ZNF705G: variants seen among roughly 807,000 people sequenced by gnomAD.
The protein encoded by ZNF705G is putative zinc finger protein 705G.
Under a neutral mutation model 19.6 loss-of-function variants are expected in ZNF705G, and 23 were observed. The observed-to-expected ratio is 1.17, with a 90% CI of 0.84 to 1.66. ZNF705G has a LOEUF of 1.66. Among genes scored for constraint, ZNF705G ranks in the 40% most tolerant of loss-of-function variants. ZNF705G has a pLI of 0.00. For missense variants in ZNF705G, 457 were observed against 354.4 expected, an observed-to-expected ratio of 1.29 and a Z score of -2.32; for synonymous variants, 146 against 117.7, an observed-to-expected ratio of 1.24 and a Z score of -1.56.
intron 1 of ZNF705G, among the ~76,000 whole-genome samples, chr8:7,383,961 A>C (rs1807619422): frequency 7.1e-6 from 1 of 141,376 alleles, no homozygotes; most frequent in Non-Finnish European, 1.5e-5. Context: ...AAACTCAGGG[A>C]TGCATACCTT....
At position 7,359,617 on chromosome 8, in the gene ZNF705G, A is replaced by T; in HGVS notation, c.318+2T>A. On this transcript the variant is annotated splice_donor_variant, in intron 6 of 6. Transcript: ENST00000400156. LOFTEE classifies it high-confidence loss of function. ...ACTGGTGTACACAGCTATAAAACTTACCATTGTCATACTGGTGGATGCGTC... is the reference window on the plus strand; with the variant it reads ...ACTGGTGTACACAGCTATAAAACTTTCCATTGTCATACTGGTGGATGCGTC... The T allele has an allele frequency of 6.2e-7, 1 of 1,606,470 alleles. No homozygotes were observed. Among genetic ancestry groups the T allele is most frequent in the Non-Finnish European group, 8.5e-7 (1 of 1,179,202 alleles).
chr8:7,357,920 G>T lies in ZNF705G; in HGVS notation c.*56C>A, dbSNP rs146970310. The T allele has an allele frequency of 2.4e-3, 3,855 of 1,602,488 alleles. 30 individuals carry two copies. Among genetic ancestry groups the T allele is most frequent in the Non-Finnish European group, 2.3e-3 (2,734 of 1,177,394 alleles). ...TTTAAGATTAGTACATTGTCTGAAG[G>T]CTTTCCCACATAAATGGCATTCATA... On this transcript the variant is annotated 3_prime_UTR_variant, in exon 7 of 7. Coordinates refer to ENST00000400156, the MANE Select transcript of ZNF705G (RefSeq NM_001164457.3).
chr8:7,361,835 G>A (rs1473482187), intron 3 of ZNF705G, among the ~76,000 whole-genome samples: 2 of 149,628 alleles, frequency 1.3e-5, no homozygotes, highest in Non-Finnish European at 2.9e-5. Flanking sequence ...CCAGACTCCA[G>A]CATTCTTCAG....
rs193060127 is a variant in ZNF705G at position 7,359,639 on chromosome 8, C to T, written c.298G>A (p.Ala100Thr). 5.3e-4 allele frequency: 859 copies of T among 1,606,568 alleles called. 84 individuals carry two copies. The African/African-American group carries it at 9.8e-3, about 18-fold the overall frequency. ...CTTACCATTGTCATACTGGTGGATG[C>T]GTCTTTTCTGGTGATAGGATGCATG... ...ISMHPITRKDASTSMTMENSL... is the reference protein window; with the variant it reads ...ISMHPITRKDTSTSMTMENSL... Residue 100 changes from alanine to threonine, a missense_variant, in exon 6 of 7, where the codon GCA becomes ACA. Physicochemically the swap from Ala to Thr is moderately conservative, Grantham distance 58. Transcript: ENST00000400156.
chr8:7,358,069 G>A lies in ZNF705G; in HGVS notation c.810C>T (p.Gly270=), dbSNP rs1195676049. 8 of 1,608,184 alleles carry A rather than the reference G, an allele frequency of 5.0e-6. No homozygotes were observed. Among genetic ancestry groups the A allele is most frequent in the Admixed American group, 3.3e-5 (2 of 59,928 alleles). ...KSGKAFSQSS[G]FRGNKIIHTG... is the part of the protein sequence containing the mutation. ...TGTGAATTATTTTGTTTCCTCTAAA[G>A]CCAGAGCTTTGACTAAAGGCTTTCC... Residue 270 remains glycine, a synonymous_variant, in exon 7 of 7, where the codon GGC becomes GGT. Coordinates refer to ENST00000400156, the MANE Select transcript of ZNF705G (RefSeq NM_001164457.3).
chr8:7,361,078 C>G (rs1806564947), intron 4 of ZNF705G, 32 bp downstream of exon 4: 1 of 1,592,644 alleles, frequency 6.3e-7, no homozygotes, highest in Non-Finnish European at 8.5e-7. Context: ...GAATGTGTCT[C>G]TACATATGTA....
chr8:7,361,089 C>T lies in ZNF705G; in HGVS notation c.139+21G>A, dbSNP rs776617517. On this transcript the variant is annotated intron_variant, in intron 4 of 6. Coordinates refer to ENST00000400156, the MANE Select transcript of ZNF705G (RefSeq NM_001164457.3). ...GAGTGAATGTGTCTCTACATATGTA[C>T]ATGAATGTTCAGGGACTCACCGAGG... 8 of 1,592,772 alleles carry T rather than the reference C, an allele frequency of 5.0e-6. No individual in the cohort carries two copies. In the African/African-American group the frequency reaches 7.0e-5, roughly 14 times the overall value.
Position 7,365,473 on chromosome 8 carries a change from G to T in ZNF705G, c.-71-2456C>A, listed in dbSNP as rs1806814555. ...GGCTCACCGCAACCTCCACCTCCCG[G>T]GTTCAAGCAATTCTCCAGCCTCAGC... On this transcript the variant is annotated intron_variant, in intron 2 of 6. Transcript: ENST00000400156. Among the ~76,000 whole-genome samples, 4 of 147,818 alleles carry T rather than the reference G, an allele frequency of 2.7e-5. No individual in the cohort carries two copies. The South Asian group carries it at 8.5e-4, about 31-fold the overall frequency.
intron 1 of ZNF705G, 75 bp downstream of exon 1, chr8:7,385,423 T>A (rs1257779442): frequency 2.0e-5 from 3 of 149,044 alleles, no homozygotes; most frequent in Non-Finnish European, 4.4e-5. Flanking sequence ...TCTCCTACAC[T>A]TACACCCTGA....
Position 7,357,679 on chromosome 8 carries a change from G to C in ZNF705G, c.*297C>G. On this transcript the variant is annotated 3_prime_UTR_variant, in exon 7 of 7. Coordinates refer to ENST00000400156, the MANE Select transcript of ZNF705G (RefSeq NM_001164457.3). ...TTCTCTTCCATATGAATTTATTGAT[G>C]TGGACTGAAGAATAAAGGTAACTGA... The C allele has an allele frequency of 1.9e-6, 1 of 522,652 alleles. No individual in the cohort carries two copies. The highest frequency in any genetic ancestry group is 2.4e-5 in the South Asian group (1 of 41,426). 32.4% of individuals were successfully genotyped at this position (522,652 alleles called of 1,614,324 possible). A position where few individuals can be genotyped will look rare whatever the true frequency, so the allele number is the denominator to read the frequency against.
Position 7,364,128 on chromosome 8 carries a change from T to C in ZNF705G, c.-71-1111A>G, listed in dbSNP as rs964965812. On this transcript the variant is annotated intron_variant, in intron 2 of 6. Transcript: ENST00000400156. ...TCTTTGTTAGTTGCAATATCTCTGA[T>C]TATCATGATACATATTTGCTGAGAA... is the stretch of plus-strand genomic sequence containing the variant. Among the ~76,000 whole-genome samples, 7 of 149,584 alleles carry C rather than the reference T, an allele frequency of 4.7e-5. 2 individuals are homozygous for C. Among genetic ancestry groups the C allele is most frequent in the African/African-American group, 1.8e-4 (7 of 38,982 alleles).
chr8:7,381,086 C>G (rs1447229370), intron 2 of ZNF705G, among the ~76,000 whole-genome samples: 4 of 111,684 alleles, frequency 3.6e-5, no homozygotes, highest in Admixed American at 1.6e-4. Context: ...GTCTGGTAAA[C>G]AGAAAGTGGT....
rs553192687 is a variant in ZNF705G, at chr8:7,355,943, A to G, written c.*2033T>C. Reference sequence around the variant, plus strand: ...AAATCAATCACTTGTAGAGATTTTAAAATATAATGATGTGTCAACTTCAAC... The same window carrying G: ...AAATCAATCACTTGTAGAGATTTTAGAATATAATGATGTGTCAACTTCAAC... On this transcript the variant is annotated 3_prime_UTR_variant, in exon 7 of 7. Transcript: ENST00000400156. 6.7e-6 allele frequency: 1 copy of G among 149,830 alleles called. No homozygotes were observed. Among genetic ancestry groups the G allele is most frequent in the Non-Finnish European group, 1.5e-5 (1 of 68,032 alleles). The allele number at this position is 149,830 out of a possible 1,614,324, so 9.3% of individuals were successfully genotyped here.
chr8:7,367,283 G>A (rs1476905615), intron 2 of ZNF705G, among the ~76,000 whole-genome samples: 2 of 149,280 alleles, frequency 1.3e-5, no homozygotes, highest in East Asian at 3.9e-4. Flanking sequence ...TCAGGTGATG[G>A]CCTGTCAATT....
At position 7,357,276 on chromosome 8, in the gene ZNF705G, T is replaced by A. The variant is rs1806316091; in HGVS notation, c.*700A>T. ...AGAAGTATTTGGTATTCCAAGAGAA[T>A]TCATTGCCCTTGGAAAGATTTTCCC... On this transcript the variant is annotated 3_prime_UTR_variant, in exon 7 of 7. Coordinates refer to ENST00000400156, the MANE Select transcript of ZNF705G (RefSeq NM_001164457.3). 1.3e-5 allele frequency: 2 copies of A among 151,824 alleles called. No homozygotes were observed. The highest frequency in any genetic ancestry group is 4.1e-4 in the South Asian group (2 of 4,858). The allele number at this position is 151,824 out of a possible 1,614,324, so 9.4% of individuals were successfully genotyped here. A position where few individuals can be genotyped will look rare whatever the true frequency, so the allele number is the denominator to read the frequency against.
intron 5 of ZNF705G, 47 bp downstream of exon 5, chr8:7,360,190 T>C (rs1326093555): frequency 1.3e-6 from 2 of 1,580,084 alleles, no homozygotes; most frequent in East Asian, 2.2e-5. Flanking sequence ...ATATTATTCA[T>C]TGACAAAGCA....
chr8:7,359,161 T>C (rs1169857305), intron 6 of ZNF705G, among the ~76,000 whole-genome samples: 1 of 149,588 alleles, frequency 6.7e-6, no homozygotes, highest in Non-Finnish European at 1.5e-5. Flanking sequence ...CCCTTTAAAT[T>C]TGGAGCCTTC....
chr8:7,365,870 C>A (rs1397870759), intron 2 of ZNF705G, among the ~76,000 whole-genome samples: 3 of 149,556 alleles, frequency 2.0e-5, no homozygotes, highest in Non-Finnish European at 4.4e-5. Flanking sequence ...TGTTCTCCAA[C>A]AGATCTTCAG....
intron 2 of ZNF705G, among the ~76,000 whole-genome samples, chr8:7,370,083 G>C (rs114903906): frequency 0.019 from 2,871 of 147,652 alleles, 355 homozygotes; most frequent in African/African-American, 0.072. Context: ...CTAACACCGT[G>C]AAACCCTGTC....
Sources: gnomAD v4.1 joint callset for allele counts (sites outside exome capture counted in the v4.1 genomes callset) on GRCh38, gnomAD v4.1.1 for gene constraint, MANE v1.5 for transcripts, NCBI Gene and HGNC (gene_info 2026-07-23, HGNC 2026-07-21) for gene names.